The following EPHA6 variants were observed in gnomAD, a reference collection of about 807,000 sequenced individuals.
The protein encoded by EPHA6 is ephrin type-A receptor 6.
A neutral mutation model predicts 112.0 loss-of-function variants in EPHA6; 50 were observed. That is an observed-to-expected ratio of 0.45 (90% CI 0.36 to 0.56). The LOEUF (loss-of-function observed/expected upper bound fraction) is 0.56, where lower values mean the gene tolerates loss of function less well. Among genes scored for constraint, EPHA6 ranks in the 20% least tolerant of loss-of-function variants. The pLI is 0.00. For missense variants in EPHA6, 1,280 were observed against 1,417.4 expected, an observed-to-expected ratio of 0.90 and a Z score of 1.56; for synonymous variants, 529 against 490.7, an observed-to-expected ratio of 1.08 and a Z score of -1.03.
intron 5 of EPHA6, among the ~76,000 whole-genome samples, chr3:97,361,696 T>TC (rs2084381814): frequency 1.3e-5 from 2 of 152,130 alleles, no homozygotes; most frequent in Non-Finnish European, 2.9e-5. Flanking sequence ...AACCCATTAA[T>TC]CCATCAACCC....
intron 3 of EPHA6, among the ~76,000 whole-genome samples, chr3:96,996,684 T>C (rs1455674959): frequency 6.6e-6 from 1 of 152,122 alleles, no homozygotes; most frequent in Non-Finnish European, 1.5e-5. Context: ...CTTAAAATTC[T>C]CCATAAACCA....
chr3:97,145,309 G>A (rs571420575), intron 3 of EPHA6, among the ~76,000 whole-genome samples: 103 of 150,956 alleles, frequency 6.8e-4, no homozygotes, highest in African/African-American at 2.4e-3. Context: ...TTTATATTAT[G>A]GTCAATATTT....
chr3:97,047,720 G>A (rs1195655110), intron 3 of EPHA6, among the ~76,000 whole-genome samples: 2 of 151,264 alleles, frequency 1.3e-5, no homozygotes, highest in Non-Finnish European at 2.9e-5. Flanking sequence ...TAAAATAGTA[G>A]TACAGAGTAC....
At chr3:97,234,538 A>C (rs1005607887) in intron 4 of EPHA6, among the ~76,000 whole-genome samples, 10 of 152,128 alleles carry the variant, frequency 6.6e-5, no homozygotes, top group African/African-American at 2.2e-4. Context: ...TTTGTATTAG[A>C]AACATTTTTT....
intron 2 of EPHA6, among the ~76,000 whole-genome samples, chr3:96,898,905 G>A (rs1270676991): frequency 6.6e-6 from 1 of 151,822 alleles, no homozygotes; most frequent in African/African-American, 2.4e-5. Context: ...GCGCGCGCCT[G>A]TAGTCCCAGC....
intron 2 of EPHA6, among the ~76,000 whole-genome samples, chr3:96,929,113 C>T: frequency 6.6e-6 from 1 of 152,182 alleles, no homozygotes; most frequent in East Asian, 1.9e-4. Flanking sequence ...TTATATCCAA[C>T]AGCCTGAGCT....
rs147519735 is a variant in EPHA6 at position 97,485,065 on chromosome 3, G to T, written c.2200+1006G>T. 1.9e-3 allele frequency among the ~76,000 whole-genome samples: 282 copies of T among 152,276 alleles called. 2 individuals carry two copies. The highest frequency in any genetic ancestry group is 6.4e-3 in the African/African-American group (267 of 41,554). ...GGGCTGTTTTCCTAAAATAGACAAG[G>T]GATATTGGATCTTGATGGGGAACAT... On this transcript the variant is annotated intron_variant, in intron 10 of 17. Coordinates refer to ENST00000389672, the MANE Select transcript of EPHA6 (RefSeq NM_001080448.3).
At chr3:97,709,054 C>G (rs1317765728) in intron 14 of EPHA6, among the ~76,000 whole-genome samples, 1 of 152,052 alleles carries the variant, frequency 6.6e-6, no homozygotes, top group Non-Finnish European at 1.5e-5. Flanking sequence ...TTGGAGCCCC[C>G]ACCCATAGTC....
intron 5 of EPHA6, among the ~76,000 whole-genome samples, chr3:97,364,405 T>A (rs977670168): frequency 2.6e-5 from 4 of 151,672 alleles, no homozygotes; most frequent in Non-Finnish European, 5.9e-5. Flanking sequence ...GTTATAAGTA[T>A]TTCAGGAGAC....
At chr3:97,385,164 A>G (rs1198359487) in intron 5 of EPHA6, among the ~76,000 whole-genome samples, 1 of 152,186 alleles carries the variant, frequency 6.6e-6, no homozygotes, top group Non-Finnish European at 1.5e-5. Context: ...TTATAACCAT[A>G]AAAATTAGTA....
chr3:97,091,538 T>C (rs2047065601), intron 3 of EPHA6, among the ~76,000 whole-genome samples: 1 of 152,126 alleles, frequency 6.6e-6, no homozygotes, highest in Non-Finnish European at 1.5e-5. Context: ...AGATTCTGTG[T>C]CCAAGAGAAA....
chr3:97,510,291 C>A (rs1012257160), intron 10 of EPHA6, among the ~76,000 whole-genome samples: 1 of 152,146 alleles, frequency 6.6e-6, no homozygotes, highest in African/African-American at 2.4e-5. Context: ...GAATTTTCAG[C>A]CTTTTTGTGC....
At chr3:97,637,708 G>T (rs1280074686) in intron 13 of EPHA6, among the ~76,000 whole-genome samples, 165 bp from the exon 14 acceptor site, 1 of 152,024 alleles carries the variant, frequency 6.6e-6, no homozygotes, top group Non-Finnish European at 1.5e-5. Context: ...TTCTTTAAAT[G>T]TCAAACAAAT....
In EPHA6 at chr3:96,920,533, T is replaced by G. The variant is rs543217547; in HGVS notation, c.450+53644T>G. ...ATTCTCTTGGTCAATTAAGTTCTAT[T>G]TACAAAAACAAATCAACCAGTAAAC... On this transcript the variant is annotated intron_variant, in intron 2 of 17. Coordinates refer to ENST00000389672, the MANE Select transcript of EPHA6 (RefSeq NM_001080448.3). Among the ~76,000 whole-genome samples the G allele has an allele frequency of 6.6e-5, 10 of 152,092 alleles. 1 individual carries two copies. In the South Asian group the frequency reaches 2.1e-3, roughly 32 times the overall value.
intron 3 of EPHA6, among the ~76,000 whole-genome samples, chr3:97,202,269 ACT>A (rs1380322997): frequency 3.3e-5 from 5 of 151,798 alleles, no homozygotes; most frequent in African/African-American, 4.8e-5. Context: ...AATTGATAAC[ACT>A]CTGAAGAAGC....
intron 7 of EPHA6, among the ~76,000 whole-genome samples, chr3:97,461,425 C>A (rs2090885829): frequency 6.6e-6 from 1 of 152,104 alleles, no homozygotes; most frequent in Non-Finnish European, 1.5e-5. Context: ...AGGATACCAC[C>A]TACTTTCTAA....
rs185199710 is a variant in EPHA6 at position 97,747,626 on chromosome 3, G to A, written c.3278+54G>A. 1.3e-4 allele frequency: 186 copies of A among 1,460,236 alleles called. 1 individual carries two copies. The highest frequency in any genetic ancestry group is 1.8e-4 in the Admixed American group (8 of 44,970). The allele number at this position is 1,460,236 out of a possible 1,614,324, so 90.5% of individuals were successfully genotyped here. On this transcript the variant is annotated intron_variant, in intron 17 of 17. Coordinates refer to ENST00000389672, the MANE Select transcript of EPHA6 (RefSeq NM_001080448.3). Reference sequence around the variant, plus strand: ...CGAGATGTCCTGCTGGGGATTATAAGTTCAAATGCTGTATCAAGAACACCT... The same window carrying A: ...CGAGATGTCCTGCTGGGGATTATAAATTCAAATGCTGTATCAAGAACACCT...
chr3:96,920,569 T>C (rs1256470928), intron 2 of EPHA6, among the ~76,000 whole-genome samples: 4 of 151,974 alleles, frequency 2.6e-5, no homozygotes, highest in Admixed American at 1.3e-4. Context: ...ATATTTCTAT[T>C]TAGATCCTTT....
chr3:96,992,918 A>G, intron 3 of EPHA6, among the ~76,000 whole-genome samples: 1 of 152,126 alleles, frequency 6.6e-6, no homozygotes, highest in East Asian at 1.9e-4. Context: ...CTGTGCTACA[A>G]TTTGTGCTAA....
Sources: gnomAD v4.1 joint callset for allele counts (sites outside exome capture counted in the v4.1 genomes callset) on GRCh38, gnomAD v4.1.1 for gene constraint, MANE v1.5 for transcripts, NCBI Gene and HGNC (gene_info 2026-07-23, HGNC 2026-07-21) for gene names.